Variants in SLCO1B1 observed in about 807,000 individuals in gnomAD.
SLCO1B1 encodes the protein OATP-2.
A neutral mutation model predicts 70.1 loss-of-function variants in SLCO1B1; 81 were observed. The ratio of observed to expected loss-of-function variants is 1.16; its 90% confidence interval spans 0.97 to 1.39. The LOEUF is 1.39. Among genes scored for constraint, SLCO1B1 ranks in the 40% most tolerant of loss-of-function variants. The pLI is 0.00. For missense variants in SLCO1B1, 895 were observed against 799.6 expected (o/e 1.12, Z -1.44); for synonymous variants, 283 against 271.5 (o/e 1.04, Z -0.42).
intron 1 of SLCO1B1, among the ~76,000 whole-genome samples, chr12:21,140,594 A>G (rs1170072006): frequency 6.6e-6 from 1 of 152,030 alleles, no homozygotes; most frequent in African/African-American, 2.4e-5. Flanking sequence ...ATGATTAGAT[A>G]CAACCTAAAA....
At chr12:21,210,003 G>C (rs1387586444) in intron 11 of SLCO1B1, among the ~76,000 whole-genome samples, 1 of 151,240 alleles carries the variant, frequency 6.6e-6, no homozygotes, top group African/African-American at 2.4e-5. Context: ...CTCCCATTTT[G>C]TAGGTTGCCT....
At chr12:21,159,125 A>G (rs560237365) in intron 2 of SLCO1B1, among the ~76,000 whole-genome samples, 1 of 152,284 alleles carries the variant, frequency 6.6e-6, no homozygotes, top group Admixed American at 6.5e-5. Context: ...TAGTAAACAC[A>G]TGCATAAATT....
intron 14 of SLCO1B1, among the ~76,000 whole-genome samples, chr12:21,233,568 A>G (rs1283167008): frequency 3.2e-5 from 4 of 124,564 alleles, no homozygotes; most frequent in Non-Finnish European, 5.0e-5. Flanking sequence ...AAAAACAAAC[A>G]AACAAAAAAA....
intron 11 of SLCO1B1, among the ~76,000 whole-genome samples, chr12:21,208,724 C>A (rs1941243048): frequency 6.6e-6 from 1 of 152,074 alleles, no homozygotes; most frequent in South Asian, 2.1e-4. Flanking sequence ...GCAGTATAGA[C>A]AGTTTAATGA....
At chr12:21,147,883 G>A (rs1940409432) in intron 2 of SLCO1B1, among the ~76,000 whole-genome samples, 1 of 152,144 alleles carries the variant, frequency 6.6e-6, no homozygotes, top group African/African-American at 2.4e-5. Flanking sequence ...GTTGTTTCCT[G>A]ACTTTTTAAT....
rs772074365 is a variant in SLCO1B1 at position 21,197,157 on chromosome 12, T to C, written c.939T>C (p.Asn313=). 7 of 1,613,252 alleles carry C rather than the reference T, an allele frequency of 4.3e-6. No homozygotes were observed. The highest frequency in any genetic ancestry group is 1.7e-5 in the Admixed American group (1 of 59,960). The part of the protein sequence containing the change: ...DEKDQTANLT[N]QGKNITKNVT... ...AGGATCAAACAGCTAATTTGACCAA[T>C]CAAGGAAAAAATATTACCAAAAATG... The change falls in exon 8 of 15, where the codon AAT becomes AAC. Residue 313 remains asparagine, a synonymous_variant. Transcript: ENST00000256958.
intron 3 of SLCO1B1, among the ~76,000 whole-genome samples, chr12:21,173,771 CTTTT>C (rs55687335): frequency 6.1e-5 from 7 of 115,066 alleles, no homozygotes; most frequent in Non-Finnish European, 1.2e-4. Flanking sequence ...GTGGTCATGA[CTTTT>C]TTTTTTTTTT....
At chr12:21,192,674 G>T (rs1026710430) in intron 7 of SLCO1B1, among the ~76,000 whole-genome samples, 1 of 151,566 alleles carries the variant, frequency 6.6e-6, no homozygotes, top group Non-Finnish European at 1.5e-5. Flanking sequence ...GTGTAAAATA[G>T]GTTGTTAGTT....
At chr12:21,205,301 C>G (rs977231601) in intron 10 of SLCO1B1, among the ~76,000 whole-genome samples, 2 of 151,768 alleles carry the variant, frequency 1.3e-5, no homozygotes, top group Admixed American at 6.6e-5. Flanking sequence ...AGTTTTATTT[C>G]AAAAATATAC....
chr12:21,238,897 G>T, intron 14 of SLCO1B1, 82 bp from the exon 15 acceptor site: 1 of 787,924 alleles, frequency 1.3e-6, no homozygotes, highest in African/African-American at 1.8e-5. Flanking sequence ...TTTTCTTTAG[G>T]ATCTGGATAC....
intron 11 of SLCO1B1, among the ~76,000 whole-genome samples, chr12:21,208,543 G>T: frequency 6.6e-6 from 1 of 152,152 alleles, no homozygotes; most frequent in East Asian, 1.9e-4. Context: ...TTGCAGTATA[G>T]TTTGATATCA....
At chr12:21,187,573 G>T (rs11045833) in intron 7 of SLCO1B1, among the ~76,000 whole-genome samples, 1 of 151,676 alleles carries the variant, frequency 6.6e-6, no homozygotes, top group African/African-American at 2.4e-5. Flanking sequence ...ATACTCTAAC[G>T]AAAGGATTAT....
chr12:21,144,357 G>A (rs1940353979), intron 2 of SLCO1B1, among the ~76,000 whole-genome samples: 1 of 151,862 alleles, frequency 6.6e-6, no homozygotes, highest in Non-Finnish European at 1.5e-5. Flanking sequence ...ATCAACACAA[G>A]CAGACAAAAT....
intron 8 of SLCO1B1, among the ~76,000 whole-genome samples, chr12:21,197,748 T>C: frequency 6.6e-6 from 1 of 152,110 alleles, no homozygotes; most frequent in East Asian, 1.9e-4. Flanking sequence ...ATTAGAGTAA[T>C]ATTTATTTTG....
chr12:21,167,521 CA>C (rs1388650995), intron 2 of SLCO1B1, among the ~76,000 whole-genome samples: 1 of 152,146 alleles, frequency 6.6e-6, no homozygotes, highest in African/African-American at 2.4e-5. Flanking sequence ...ATTCTCTCAG[CA>C]GGAGACCACT....
intron 14 of SLCO1B1, among the ~76,000 whole-genome samples, chr12:21,225,279 G>A (rs967234765): frequency 6.6e-6 from 1 of 152,118 alleles, no homozygotes; most frequent in East Asian, 1.9e-4. Context: ...GACTAGCTGG[G>A]GCTCTGGTCA....
At chr12:21,196,606 A>T (rs1044078353) in intron 7 of SLCO1B1, among the ~76,000 whole-genome samples, 2 of 152,108 alleles carry the variant, frequency 1.3e-5, no homozygotes, top group Non-Finnish European at 2.9e-5. Context: ...TTCAGACAAC[A>T]ATGAGACGTC....
chr12:21,159,100 A>G (rs1344753660), intron 2 of SLCO1B1, among the ~76,000 whole-genome samples: 2 of 152,188 alleles, frequency 1.3e-5, no homozygotes, highest in Non-Finnish European at 2.9e-5. Context: ...CTGAATTACA[A>G]AAGTCCCTCT....
At chr12:21,144,386 G>GA (rs1017874791) in intron 2 of SLCO1B1, among the ~76,000 whole-genome samples, 3 of 151,902 alleles carry the variant, frequency 2.0e-5, no homozygotes, top group Admixed American at 6.6e-5. Context: ...AAATATTAAT[G>GA]AAAAAAACCT....
Sources: gnomAD v4.1 joint callset for allele counts (sites outside exome capture counted in the v4.1 genomes callset) on GRCh38, gnomAD v4.1.1 for gene constraint, MANE v1.5 for transcripts, NCBI Gene and HGNC (gene_info 2026-07-23, HGNC 2026-07-21) for gene names.